The following SEPTIN3 variants were observed in gnomAD, a reference collection of about 807,000 sequenced individuals.
The protein encoded by SEPTIN3 is neuronal-specific septin-3.
SEPTIN3 carries 15 observed loss-of-function variants against 45.1 expected under a neutral mutation model. The ratio of observed to expected loss-of-function variants is 0.33; its 90% CI spans 0.22 to 0.51. SEPTIN3 has a LOEUF of 0.51. Among genes scored for constraint, SEPTIN3 ranks in the 20% least tolerant of loss-of-function variants. SEPTIN3 has a pLI of 0.97. For synonymous variants in SEPTIN3, 148 were observed against 164.8 expected (o/e 0.90, Z 0.78); for missense variants, 289 against 457.2 (o/e 0.63, Z 3.35).
chr22:41,989,516 A>C (rs1569439922), intron 6 of SEPTIN3, 51 bp from the exon 7 acceptor site: 1 of 1,218,766 alleles, frequency 8.2e-7, no homozygotes, highest in Non-Finnish European at 1.2e-6. Context: ...GTGGTGGCTG[A>C]GTTGGGGAGG....
intron 2 of SEPTIN3, among the ~76,000 whole-genome samples, chr22:41,973,518 A>G (rs1452180659): frequency 6.6e-6 from 1 of 151,304 alleles, no homozygotes; most frequent in Non-Finnish European, 1.5e-5. Context: ...AAAAAAAAAA[A>G]AAAAATTAGC....
intron 11 of SEPTIN3, chr22:41,995,226 G>A: frequency 1.0e-6 from 1 of 996,392 alleles, no homozygotes; most frequent in South Asian, 4.5e-5. Context: ...AGGGGGCAGG[G>A]AGTTCAGGAC....
intron 2 of SEPTIN3, among the ~76,000 whole-genome samples, chr22:41,979,026 T>C (rs1462983694): frequency 6.6e-6 from 1 of 152,094 alleles, no homozygotes; most frequent in Non-Finnish European, 1.5e-5. Context: ...GTGGGTGGCT[T>C]GTTAGCATGT....
At chr22:41,977,504 C>T (rs1313570278) in intron 2 of SEPTIN3, among the ~76,000 whole-genome samples, 2 of 152,198 alleles carry the variant, frequency 1.3e-5, no homozygotes, top group African/African-American at 4.8e-5. Context: ...CGTTGGCCTC[C>T]AGAGGACTGG....
intron 3 of SEPTIN3, 84 bp from the exon 4 acceptor site, chr22:41,985,900 A>C: frequency 6.9e-7 from 1 of 1,458,742 alleles, no homozygotes; most frequent in Admixed American, 2.2e-5. Flanking sequence ...TCATGGCTCT[A>C]GAATTCTGTA....
At chr22:41,974,893 G>A (rs530722411) in intron 2 of SEPTIN3, among the ~76,000 whole-genome samples, 111 of 119,646 alleles carry the variant, frequency 9.3e-4, no homozygotes, top group African/African-American at 3.2e-3. Context: ...AAAAAAGCAA[G>A]CCTCCTACCT....
At chr22:41,990,053 GT>G (rs397970970) in intron 7 of SEPTIN3, among the ~76,000 whole-genome samples, 2 of 116,826 alleles carry the variant, frequency 1.7e-5, no homozygotes, top group African/African-American at 6.2e-5. Flanking sequence ...TCTTCTCTTT[GT>G]TTTTTTTTTG....
At chr22:41,995,920 A>G (rs2078427042) in intron 11 of SEPTIN3, 1 of 978,994 alleles carries the variant, frequency 1.0e-6, no homozygotes. Flanking sequence ...ATCAGAAACA[A>G]TATACATAAT....
At chr22:41,986,731 G>T (rs1444551122) in intron 4 of SEPTIN3, among the ~76,000 whole-genome samples, 1 of 152,036 alleles carries the variant, frequency 6.6e-6, no homozygotes, top group Non-Finnish European at 1.5e-5. Context: ...TTGATCTCCT[G>T]AGCTCGTGAT....
chr22:41,994,842 T>C lies in SEPTIN3; in HGVS notation c.2505+128T>C. The C allele has an allele frequency of 6.3e-7, 1 of 1,592,400 alleles. No homozygotes were observed. The highest frequency in any genetic ancestry group is 8.5e-7 in the Non-Finnish European group (1 of 1,171,998). ...CACCAACCACCTTCTTCCTCTCAAC[T>C]CTGTCCCACAGGCCTGTCTGGTATT... On this transcript the variant is annotated intron_variant, in intron 11 of 11. Coordinates refer to ENST00000644076, the MANE Select transcript of SEPTIN3 (RefSeq NM_001363845.2). This position sits in a 1 kb window ranked among gnomAD's most constrained non-coding sequence, Gnocchi z 4.2.
At chr22:41,991,905 C>A (rs562513652) in intron 8 of SEPTIN3, among the ~76,000 whole-genome samples, 1 of 152,248 alleles carries the variant, frequency 6.6e-6, no homozygotes, top group Admixed American at 6.5e-5. Context: ...GCCTCCTTTT[C>A]CCCAACAAGG....
chr22:41,974,989 A>G (rs1449864247), intron 2 of SEPTIN3, among the ~76,000 whole-genome samples: 1 of 152,018 alleles, frequency 6.6e-6, no homozygotes, highest in East Asian at 1.9e-4. Flanking sequence ...ATGTGAGATA[A>G]TGACCTCACT....
chr22:41,974,162 G>A (rs115731677), intron 2 of SEPTIN3, among the ~76,000 whole-genome samples: 4,367 of 148,454 alleles, frequency 0.029, 215 homozygotes, highest in African/African-American at 0.1. Context: ...AAAAAGAAAA[G>A]AAAAAGAAAG....
chr22:41,982,905 GA>G (rs956257859), intron 3 of SEPTIN3, among the ~76,000 whole-genome samples: 7 of 143,620 alleles, frequency 4.9e-5, no homozygotes, highest in South Asian at 2.2e-4. Context: ...AAAAAAAGAA[GA>G]AAAAAAAAAG....
chr22:41,971,724 C>A lies in SEPTIN3; in HGVS notation c.232C>A (p.Arg78=). The A allele has an allele frequency of 2.5e-6, 1 of 399,264 alleles. No individual in the cohort carries two copies. Among genetic ancestry groups the A allele is most frequent in the Admixed American group, 4.4e-5 (1 of 22,738 alleles). 24.7% of individuals were successfully genotyped at this position (399,264 alleles called of 1,614,324 possible). A position where few individuals can be genotyped will look rare whatever the true frequency, so the allele number is the denominator to read the frequency against. The stretch of plus-strand genomic sequence containing the variant: ...CCGGCTGGGCCTTGGAGCCAGGACC[C>A]GGAGTGTGCCCCCACAGGAGACGGG... ...SSRLGLGART[R]SVPPQETGIA... Residue 78 remains arginine (R), a synonymous_variant, in exon 2 of 12, where the codon CGG becomes AGG. Coordinates refer to ENST00000644076, the MANE Select transcript of SEPTIN3 (RefSeq NM_001363845.2).
In SEPTIN3 at chr22:41,972,913, C is replaced by T. The variant is rs2077973544; in HGVS notation, c.1421C>T (p.Thr474Ile). Residue 474 changes from threonine to isoleucine, a missense_variant, in exon 2 of 12, where the codon ACA (threonine) becomes ATA (isoleucine). Around this residue, in one of 3 missense-constraint regions of SEPTIN3, gnomAD observed 200 missense variants for 315.1 expected, o/e 0.63. Coordinates refer to ENST00000644076, the MANE Select transcript of SEPTIN3 (RefSeq NM_001363845.2). Reference sequence around the variant, plus strand: ...TGCCTGCTAATGCCAAGCAGATCCACAGACCTAGCCCTGGACAACACTAAT... The same window carrying T: ...TGCCTGCTAATGCCAAGCAGATCCATAGACCTAGCCCTGGACAACACTAAT... ...ATCLLMPSRS[T>I]DLALDNTNAA... 1 of 399,270 alleles carries T rather than the reference C, an allele frequency of 2.5e-6. No individual in the cohort carries two copies. 24.7% of individuals were successfully genotyped at this position (399,270 alleles called of 1,614,324 possible).
At chr22:41,975,692 T>G (rs745593031) in intron 2 of SEPTIN3, among the ~76,000 whole-genome samples, 1 of 152,148 alleles carries the variant, frequency 6.6e-6, no homozygotes, top group Non-Finnish European at 1.5e-5. Flanking sequence ...CTCTTCTTCC[T>G]CATCTCTCTC....
Position 41,997,160 on chromosome 22 carries a change from T to A in SEPTIN3, c.*193T>A. 1.9e-6 allele frequency: 2 copies of A among 1,055,192 alleles called. No individual in the cohort carries two copies. The highest frequency in any genetic ancestry group is 2.7e-6 in the Non-Finnish European group (2 of 748,770). 65.4% of individuals were successfully genotyped at this position (1,055,192 alleles called of 1,614,324 possible). A position where few individuals can be genotyped will look rare whatever the true frequency, so the allele number is the denominator to read the frequency against. ...ATCCAAACCACTCCTCTCCTCCCAG[T>A]GGAGTGGGGTTCTGCCAGTACAGCC... On this transcript the variant is annotated 3_prime_UTR_variant, in exon 12 of 12. Transcript: ENST00000644076.
intron 1 of SEPTIN3, among the ~76,000 whole-genome samples, chr22:41,970,959 T>C (rs1428798813): frequency 6.6e-6 from 1 of 152,152 alleles, no homozygotes; most frequent in East Asian, 1.9e-4. Context: ...CTAAGCCAAA[T>C]TGGTCCTCTC....
Sources: gnomAD v4.1 joint callset for allele counts (sites outside exome capture counted in the v4.1 genomes callset) on GRCh38, gnomAD v4.1.1 for gene constraint, gnomAD v4.1.1 regional missense constraint, Gnocchi (gnomAD v3.1) non-coding constraint, MANE v1.5 for transcripts, NCBI Gene and HGNC (gene_info 2026-07-23, HGNC 2026-07-21) for gene names.